Variants in BCL11B observed in about 807,000 individuals in gnomAD.
BCL11B encodes the protein B-cell lymphoma/leukemia 11B.
Under a neutral mutation model 49.9 loss-of-function variants are expected in BCL11B, and 8 were observed. The ratio of observed to expected loss-of-function variants is 0.16; its 90% CI spans 0.09 to 0.29. The LOEUF (loss-of-function observed/expected upper bound fraction) is 0.29. Ranked by LOEUF, BCL11B falls within the 10% of genes least tolerant of loss-of-function variation. The probability of loss-of-function intolerance (pLI) is 1.00; values close to 1 mark genes in which losing one functional copy is unlikely to be tolerated. For missense variants in BCL11B, 1,006 were observed against 1,351.0 expected (o/e 0.74, Z 4.00); for synonymous variants, 739 against 637.4 (o/e 1.16, Z -2.40).
At chr14:99,187,216 C>T (rs1350444037) in intron 3 of BCL11B, among the ~76,000 whole-genome samples, 1 of 152,158 alleles carries the variant, frequency 6.6e-6, no homozygotes, top group Non-Finnish European at 1.5e-5. Context: ...GGTATCATGG[C>T]ACAGGGTGAA....
chr14:99,196,053 C>A (rs533232650), intron 3 of BCL11B, among the ~76,000 whole-genome samples: 2 of 152,214 alleles, frequency 1.3e-5, no homozygotes, highest in Non-Finnish European at 2.9e-5. Flanking sequence ...ATTCATGCAT[C>A]AAAAAAACCC....
chr14:99,253,344 G>T (rs1047554970), intron 2 of BCL11B, among the ~76,000 whole-genome samples: 2 of 152,200 alleles, frequency 1.3e-5, no homozygotes, highest in African/African-American at 4.8e-5. Context: ...TGCCTGTGAT[G>T]GTGGATTTAG....
At position 99,172,868 on chromosome 14, in the gene BCL11B, A is replaced by G. The variant is rs1886335755; in HGVS notation, c.*1283T>C. 2 of 228,104 alleles carry G rather than the reference A, an allele frequency of 8.8e-6. No homozygotes were observed. The highest frequency in any genetic ancestry group is 8.7e-6 in the Non-Finnish European group (1 of 114,744). 14.1% of individuals were successfully genotyped at this position (228,104 alleles called of 1,614,324 possible). A position where few individuals can be genotyped will look rare whatever the true frequency, so the allele number is the denominator to read the frequency against. On this transcript the variant is annotated 3_prime_UTR_variant, in exon 4 of 4. Transcript: ENST00000357195. ...AGGAAAAAAAAAATAAAAACCTGGG[A>G]AGTAGCGCTGGGCACCTTCTGATGG...
intron 3 of BCL11B, among the ~76,000 whole-genome samples, chr14:99,199,681 T>TGCGC (rs1373200594): frequency 1.2e-3 from 85 of 71,076 alleles, no homozygotes; most frequent in African/African-American, 3.2e-3. Context: ...TGTGTGTGTG[T>TGCGC]GTGCGCGCGC....
At position 99,194,269 on chromosome 14, in the gene BCL11B, G is replaced by T. The variant is rs1406496433; in HGVS notation, c.641-18074C>A. Among the ~76,000 whole-genome samples, 2 of 152,104 alleles carry T rather than the reference G, an allele frequency of 1.3e-5. No homozygotes were observed. Among genetic ancestry groups the T allele is most frequent in the East Asian group, 1.9e-4 (1 of 5,172 alleles). ...GGCCCCGGACTGTCCCCCAGCAGCA[G>T]AAGTCACAGTCAGCAAACCGCCAAG... is the stretch of plus-strand genomic sequence containing the variant. On this transcript the variant is annotated intron_variant, in intron 3 of 3. Coordinates refer to ENST00000357195, the MANE Select transcript of BCL11B (RefSeq NM_138576.4). The surrounding 1 kb of genome is among the most constrained non-coding windows in gnomAD (Gnocchi z 4.6).
intron 2 of BCL11B, among the ~76,000 whole-genome samples, chr14:99,252,943 G>C (rs1889050253): frequency 6.6e-6 from 1 of 152,242 alleles, no homozygotes; most frequent in Non-Finnish European, 1.5e-5. Flanking sequence ...AAGTGATCAT[G>C]GTTTTGACCA....
At chr14:99,244,919 T>C (rs550823663) in intron 2 of BCL11B, among the ~76,000 whole-genome samples, 6 of 152,356 alleles carry the variant, frequency 3.9e-5, no homozygotes, top group Non-Finnish European at 8.8e-5. Flanking sequence ...ACTCTTGTTA[T>C]AGCAAATCAA....
chr14:99,236,403 T>C (rs1362634828), intron 2 of BCL11B, among the ~76,000 whole-genome samples: 1 of 152,200 alleles, frequency 6.6e-6, no homozygotes, highest in East Asian at 1.9e-4. Context: ...ATCCTGATCC[T>C]AGCTCATCTC....
intron 3 of BCL11B, among the ~76,000 whole-genome samples, chr14:99,200,256 C>T (rs1007623024): frequency 6.6e-5 from 10 of 152,230 alleles, no homozygotes; most frequent in Non-Finnish European, 8.8e-5. Context: ...GGAGCACAGG[C>T]GCTGGTCAGT....
Position 99,174,026 on chromosome 14 carries a change from C to T in BCL11B, c.*125G>A, listed in dbSNP as rs1478205023. On this transcript the variant is annotated 3_prime_UTR_variant, in exon 4 of 4. Transcript: ENST00000357195. ...AGACACAGGTTAGGTTGGAGTGCCG[C>T]CTCCCCTGGGCCCCGGGGACACGCG... 1 of 963,352 alleles carries T rather than the reference C, an allele frequency of 1.0e-6. No individual in the cohort carries two copies. Among genetic ancestry groups the T allele is most frequent in the African/African-American group, 1.6e-5 (1 of 60,726 alleles). 59.7% of individuals were successfully genotyped at this position (963,352 alleles called of 1,614,324 possible). A position where few individuals can be genotyped will look rare whatever the true frequency, so the allele number is the denominator to read the frequency against.
At chr14:99,249,364 A>G (rs1223412563) in intron 2 of BCL11B, among the ~76,000 whole-genome samples, 3 of 152,142 alleles carry the variant, frequency 2.0e-5, no homozygotes. Context: ...AACGTGTGCC[A>G]TGGTGGTTTG....
intron 1 of BCL11B, among the ~76,000 whole-genome samples, chr14:99,264,916 T>G (rs559588748): frequency 6.6e-6 from 1 of 152,232 alleles, no homozygotes; most frequent in East Asian, 1.9e-4. Flanking sequence ...CGGCGTTTCT[T>G]GGGGAGGGAT....
rs1297930159 is a variant in BCL11B, at chr14:99,170,761, A to C, written c.*3390T>G. 2.6e-5 allele frequency: 6 copies of C among 233,424 alleles called. No individual in the cohort carries two copies. The East Asian group carries it at 3.6e-4, about 14-fold the overall frequency. 14.5% of individuals were successfully genotyped at this position (233,424 alleles called of 1,614,324 possible). ...ACAAGAGGCCAACACTCTCCATGGCACGAAAGGTCCTGGCTGTGATGGAGT... is the reference window on the plus strand; with the variant it reads ...ACAAGAGGCCAACACTCTCCATGGCCCGAAAGGTCCTGGCTGTGATGGAGT... On this transcript the variant is annotated 3_prime_UTR_variant, in exon 4 of 4. Coordinates refer to ENST00000357195, the MANE Select transcript of BCL11B (RefSeq NM_138576.4).
chr14:99,173,076 G>A lies in BCL11B; in HGVS notation c.*1075C>T, dbSNP rs949526182. The stretch of plus-strand genomic sequence containing the variant: ...TAGCAACATAGGATTTGAGATTTAT[G>A]TGGTGGGGGTGATTTAAAAAAAGAG... On this transcript the variant is annotated 3_prime_UTR_variant, in exon 4 of 4. Coordinates refer to ENST00000357195, the MANE Select transcript of BCL11B (RefSeq NM_138576.4). 1 of 227,242 alleles carries A rather than the reference G, an allele frequency of 4.4e-6. No homozygotes were observed. Among genetic ancestry groups the A allele is most frequent in the Admixed American group, 5.7e-5 (1 of 17,522 alleles). The allele number at this position is 227,242 out of a possible 1,614,324, so 14.1% of individuals were successfully genotyped here.
intron 3 of BCL11B, among the ~76,000 whole-genome samples, chr14:99,191,620 T>G (rs1342587545): frequency 6.6e-6 from 1 of 151,642 alleles, no homozygotes; most frequent in Non-Finnish European, 1.5e-5. Context: ...CTGGGGCTCC[T>G]AGGGAGCTCC....
chr14:99,227,097 A>T lies in BCL11B; in HGVS notation c.640+4248T>A, dbSNP rs79909551. Among the ~76,000 whole-genome samples, 685 of 152,324 alleles carry T rather than the reference A, an allele frequency of 4.5e-3. 37 individuals carry two copies. In the East Asian group the frequency reaches 0.11, roughly 25 times the overall value. On this transcript the variant is annotated intron_variant, in intron 3 of 3. Transcript: ENST00000357195. Reference sequence around the variant, plus strand: ...GGCTGATGACCATTTGCAGCTTTTAAATATGCAATGAAGTGTCTCAGTTCC... The same window carrying T: ...GGCTGATGACCATTTGCAGCTTTTATATATGCAATGAAGTGTCTCAGTTCC...
At position 99,244,864 on chromosome 14, in the gene BCL11B, ATAT is replaced by A. The variant is rs1888779114; in HGVS notation, c.427+12604_427+12606del. Among the ~76,000 whole-genome samples the A allele has an allele frequency of 4.6e-5, 7 of 152,370 alleles. No homozygotes were observed. The South Asian group carries it at 1.4e-3, about 32-fold the overall frequency. ...CCCAGCAAGTGTAACATACTATTTCATATTATAAGTATATAGGTATACGCATAT... is the reference window on the plus strand; with the variant it reads ...CCCAGCAAGTGTAACATACTATTTCATATAAGTATATAGGTATACGCATAT... On this transcript the variant is annotated intron_variant, in intron 2 of 3. Coordinates refer to ENST00000357195, the MANE Select transcript of BCL11B (RefSeq NM_138576.4).
chr14:99,216,396 G>T (rs1014182922), intron 3 of BCL11B, among the ~76,000 whole-genome samples: 6 of 152,214 alleles, frequency 3.9e-5, no homozygotes, highest in Admixed American at 6.5e-5. Flanking sequence ...TGGGCTACCT[G>T]CCCAAGGCCA....
rs1358553926 is a variant in BCL11B, at chr14:99,195,731, C to G, written c.641-19536G>C. On this transcript the variant is annotated intron_variant, in intron 3 of 3. Transcript: ENST00000357195. The surrounding 1 kb of genome is among the most constrained non-coding windows in gnomAD (Gnocchi z 4.7). ...GCTAGCACCCCACCCCCAAGGATAA[C>G]AGGCCCCTACAGAGTGGGAGCCTCG... is the stretch of plus-strand genomic sequence containing the variant. Among the ~76,000 whole-genome samples, 1 of 152,082 alleles carries G rather than the reference C, an allele frequency of 6.6e-6. No individual in the cohort carries two copies.
Sources: gnomAD v4.1 joint callset for allele counts (sites outside exome capture counted in the v4.1 genomes callset) on GRCh38, gnomAD v4.1.1 for gene constraint, Gnocchi (gnomAD v3.1) non-coding constraint, MANE v1.5 for transcripts, NCBI Gene and HGNC (gene_info 2026-07-23, HGNC 2026-07-21) for gene names.